The following SMC6 variants were observed in gnomAD, a reference collection of about 807,000 sequenced individuals.
The protein encoded by SMC6 is structural maintenance of chromosomes 6.
A neutral mutation model predicts 142.2 loss-of-function variants in SMC6; 79 were observed. The ratio of observed to expected loss-of-function variants is 0.56; its 90% CI spans 0.46 to 0.67. The LOEUF (loss-of-function observed/expected upper bound fraction) is 0.67, where lower values mean the gene tolerates loss of function less well. Among genes scored for constraint, SMC6 ranks in the 30% least tolerant of loss-of-function variants. The pLI is 0.00. For missense variants in SMC6, 1,072 were observed against 1,284.0 expected, an observed-to-expected ratio of 0.83 and a Z score of 2.52; for synonymous variants, 411 against 412.4, an observed-to-expected ratio of 1.00 and a Z score of 0.04.
intron 26 of SMC6, among the ~76,000 whole-genome samples, chr2:17,668,091 T>C (rs1666587105): frequency 6.6e-6 from 1 of 152,216 alleles, no homozygotes; most frequent in South Asian, 2.1e-4. Context: ...CTTGGATACA[T>C]TCTTCTGAAT....
At chr2:17,692,177 A>C (rs1454391627) in intron 23 of SMC6, among the ~76,000 whole-genome samples, 1 of 152,192 alleles carries the variant, frequency 6.6e-6, no homozygotes, top group Non-Finnish European at 1.5e-5. Flanking sequence ...GCTACCAATG[A>C]CTTTCTTCAC....
At chr2:17,703,619 CA>C (rs1296727273) in intron 18 of SMC6, among the ~76,000 whole-genome samples, 1 of 151,938 alleles carries the variant, frequency 6.6e-6, no homozygotes, top group African/African-American at 2.4e-5. Flanking sequence ...TAAGACCAAC[CA>C]CTCCTTTTCC....
chr2:17,690,162 G>A (rs1476896238), intron 23 of SMC6, among the ~76,000 whole-genome samples: 3 of 152,180 alleles, frequency 2.0e-5, no homozygotes, highest in African/African-American at 4.8e-5. Context: ...GTGACTAGCA[G>A]ACCATGGAAT....
chr2:17,713,027 T>C (rs964272461), intron 16 of SMC6, among the ~76,000 whole-genome samples: 13 of 152,248 alleles, frequency 8.5e-5, no homozygotes, highest in Admixed American at 2.6e-4. Flanking sequence ...TCCAGACTTA[T>C]CATGCATTTA....
chr2:17,674,535 C>T (rs530223453), intron 25 of SMC6, among the ~76,000 whole-genome samples: 1 of 152,214 alleles, frequency 6.6e-6, no homozygotes, highest in South Asian at 2.1e-4. Flanking sequence ...GCACAATGTT[C>T]TATAGTTCTG....
chr2:17,747,445 T>C (rs1296869520), intron 2 of SMC6, among the ~76,000 whole-genome samples: 1 of 152,166 alleles, frequency 6.6e-6, no homozygotes, highest in Non-Finnish European at 1.5e-5. Context: ...AGCTTTTGCT[T>C]ATGTCTATCA....
Position 17,713,875 on chromosome 2 carries a change from G to T in SMC6, c.1730+986C>A, listed in dbSNP as rs140597990. On this transcript the variant is annotated intron_variant, in intron 16 of 27. Transcript: ENST00000448223. ...TTTCTATCACTTGACAAACTCATCA[G>T]TTAAAAGACTGATGATTTCTCAACT... is the stretch of plus-strand genomic sequence containing the variant. Among the ~76,000 whole-genome samples, 711 of 152,232 alleles carry T rather than the reference G, an allele frequency of 4.7e-3. 8 individuals are homozygous for T. The highest frequency in any genetic ancestry group is 0.016 in the African/African-American group (668 of 41,542).
At chr2:17,711,419 T>C (rs1668819282) in intron 16 of SMC6, among the ~76,000 whole-genome samples, 2 of 152,052 alleles carry the variant, frequency 1.3e-5, no homozygotes, top group Non-Finnish European at 2.9e-5. Context: ...AAACAAAACA[T>C]ACTGACAAAG....
Position 17,731,891 on chromosome 2 carries a change from G to A in SMC6, c.345-14C>T, listed in dbSNP as rs1669930157. Reference sequence around the variant, plus strand: ...ATATCTGCAGAGCTGAAAGAATGAGGTTGAGCTAAGTTACATGAAGATACA... The same window carrying A: ...ATATCTGCAGAGCTGAAAGAATGAGATTGAGCTAAGTTACATGAAGATACA... On this transcript the variant is annotated splice_polypyrimidine_tract_variant and intron_variant, in intron 5 of 27. Transcript: ENST00000448223. The A allele has an allele frequency of 6.2e-7, 1 of 1,609,810 alleles. No individual in the cohort carries two copies. The highest frequency in any genetic ancestry group is 1.3e-5 in the African/African-American group (1 of 74,838).
chr2:17,683,886 A>T (rs1313954160), intron 23 of SMC6, 123 bp from the exon 24 acceptor site: 1 of 831,132 alleles, frequency 1.2e-6, no homozygotes, highest in African/African-American at 1.7e-5. Flanking sequence ...GGGGCCTAGT[A>T]GCAGTCAATT....
At chr2:17,665,814 G>T (rs1046006159) in intron 27 of SMC6, among the ~76,000 whole-genome samples, 40 of 152,236 alleles carry the variant, frequency 2.6e-4, no homozygotes, top group African/African-American at 9.2e-4. Flanking sequence ...ATTCCTGCTA[G>T]ATCCCATGGG....
intron 23 of SMC6, among the ~76,000 whole-genome samples, chr2:17,687,214 A>C (rs1302744471): frequency 1.3e-5 from 2 of 152,228 alleles, no homozygotes; most frequent in Non-Finnish European, 2.9e-5. Flanking sequence ...TACTATGAAG[A>C]TACAGATTCG....
chr2:17,669,525 G>A (rs917521639), intron 26 of SMC6, among the ~76,000 whole-genome samples: 2 of 152,128 alleles, frequency 1.3e-5, no homozygotes, highest in Admixed American at 1.3e-4. Context: ...AATTAGGGGA[G>A]GCAGCTTGGC....
At chr2:17,751,005 C>CAAAA (rs34661130) in intron 2 of SMC6, among the ~76,000 whole-genome samples, 105 of 53,592 alleles carry the variant, frequency 2.0e-3, no homozygotes, top group Non-Finnish European at 2.2e-3. Context: ...ACAGCTGTCT[C>CAAAA]AAAAAAAAAA....
chr2:17,696,137 T>G (rs1667975965), intron 22 of SMC6, 152 bp downstream of exon 22: 1 of 926,598 alleles, frequency 1.1e-6, no homozygotes, highest in African/African-American at 1.7e-5. Flanking sequence ...CCTAAGCCTC[T>G]TCTGTTGATT....
At chr2:17,665,648 A>C (rs759110120) in intron 27 of SMC6, 35 bp from the exon 28 acceptor site, 24 of 1,376,696 alleles carry the variant, frequency 1.7e-5, no homozygotes, top group Non-Finnish European at 2.3e-5. Context: ...CAAATTTCCA[A>C]GAAACCTTTT....
intron 16 of SMC6, chr2:17,713,634 T>G: frequency 2.4e-6 from 1 of 415,422 alleles, no homozygotes; most frequent in Non-Finnish European, 5.1e-6. Flanking sequence ...GATGGCATCC[T>G]TCAGCTAGTC....
chr2:17,715,354 C>T (rs956703191), intron 15 of SMC6, among the ~76,000 whole-genome samples: 1 of 151,830 alleles, frequency 6.6e-6, no homozygotes, highest in African/African-American at 2.4e-5. Flanking sequence ...TGTAAATCAA[C>T]GGTGGCTTTT....
At chr2:17,743,298 CGTGA>C (rs1303027180) in intron 3 of SMC6, among the ~76,000 whole-genome samples, 6 of 152,038 alleles carry the variant, frequency 3.9e-5, no homozygotes, top group Admixed American at 1.3e-4. Context: ...CTGTCTAATC[CGTGA>C]GTAAGTATGT....
Sources: allele counts gnomAD v4.1 joint callset (sites outside exome capture counted in the v4.1 genomes callset), GRCh38; gene constraint gnomAD v4.1.1; transcripts MANE v1.5; gene names NCBI Gene and HGNC (gene_info 2026-07-23, HGNC 2026-07-21).